The following MIB1 variants were observed in gnomAD, a reference collection of about 807,000 sequenced individuals.
MIB1 encodes E3 ubiquitin-protein ligase MIB1.
MIB1 carries 278 observed loss-of-function variants against 124.5 expected under a neutral mutation model. The ratio of observed to expected loss-of-function variants is 2.23; its 90% CI spans 2.02 to 2.47. The LOEUF is 2.47. Ranked by LOEUF, MIB1 falls within the 30% of genes most tolerant of loss-of-function variation. The probability of loss-of-function intolerance (pLI) is 0.00; values close to 1 mark genes in which losing one functional copy is unlikely to be tolerated. For missense variants in MIB1, 957 were observed against 1,254.4 expected (o/e 0.76, Z 3.58); for synonymous variants, 446 against 429.4 (o/e 1.04, Z -0.48).
chr18:21,780,079 G>A (rs2041341226), intron 6 of MIB1, among the ~76,000 whole-genome samples: 1 of 152,068 alleles, frequency 6.6e-6, no homozygotes, highest in Non-Finnish European at 1.5e-5. Flanking sequence ...CTCCTTTGGT[G>A]CATATCTCCA....
intron 6 of MIB1, among the ~76,000 whole-genome samples, chr18:21,782,311 T>G (rs1598608070): frequency 6.6e-6 from 1 of 151,984 alleles, no homozygotes; most frequent in Admixed American, 6.6e-5. Context: ...TTAGTAGAGA[T>G]GGGGTTTCTC....
At chr18:21,726,425 C>T (rs148012624) in intron 1 of MIB1, among the ~76,000 whole-genome samples, 3 of 152,236 alleles carry the variant, frequency 2.0e-5, no homozygotes, top group Middle Eastern at 3.4e-3. Flanking sequence ...AATCTGTCTA[C>T]GTTCCGACAG....
intron 1 of MIB1, among the ~76,000 whole-genome samples, chr18:21,743,653 G>T (rs1465874949): frequency 1.3e-5 from 2 of 152,096 alleles, no homozygotes; most frequent in Non-Finnish European, 2.9e-5. Flanking sequence ...TTGAGACAGG[G>T]TTTTGTTTTG....
At chr18:21,834,615 C>A (rs1440663111) in intron 12 of MIB1, among the ~76,000 whole-genome samples, 1 of 152,106 alleles carries the variant, frequency 6.6e-6, no homozygotes, top group Non-Finnish European at 1.5e-5. Flanking sequence ...GGCCTTCTTA[C>A]TAAGAACCAA....
intron 10 of MIB1, among the ~76,000 whole-genome samples, chr18:21,808,861 CTT>C (rs1279069458): frequency 6.6e-6 from 1 of 151,740 alleles, no homozygotes; most frequent in East Asian, 1.9e-4. Flanking sequence ...AAAAATATGT[CTT>C]TATTATGAGT....
chr18:21,847,744 C>CA (rs1274585369), intron 16 of MIB1, among the ~76,000 whole-genome samples: 4 of 152,162 alleles, frequency 2.6e-5, no homozygotes, highest in African/African-American at 9.7e-5. Context: ...CACTCAGTAT[C>CA]AGTGGAGAAT....
intron 10 of MIB1, among the ~76,000 whole-genome samples, chr18:21,814,119 C>T (rs950059362): frequency 1.3e-5 from 2 of 152,096 alleles, no homozygotes; most frequent in Non-Finnish European, 2.9e-5. Flanking sequence ...TTTGGTCTTT[C>T]CTGCCTTCTC....
At chr18:21,860,930 T>C (rs1421838072) in intron 20 of MIB1, among the ~76,000 whole-genome samples, 1 of 152,112 alleles carries the variant, frequency 6.6e-6, no homozygotes, top group Non-Finnish European at 1.5e-5. Flanking sequence ...TCCTACCTAC[T>C]TGGGGAACTG....
chr18:21,807,039 A>G (rs548215374), intron 10 of MIB1, among the ~76,000 whole-genome samples: 105 of 152,360 alleles, frequency 6.9e-4, no homozygotes, highest in African/African-American at 2.4e-3. Context: ...TTTAAAATTC[A>G]TTATAAGCAG....
chr18:21,754,097 C>G (rs1030821077), intron 1 of MIB1, among the ~76,000 whole-genome samples: 1 of 152,230 alleles, frequency 6.6e-6, no homozygotes, highest in Non-Finnish European at 1.5e-5. Context: ...AGTTGGATCC[C>G]TGTTGGCTCT....
At chr18:21,761,937 T>A (rs910412068) in intron 1 of MIB1, among the ~76,000 whole-genome samples, 1 of 80,564 alleles carries the variant, frequency 1.2e-5, no homozygotes. Context: ...CAGAAAACAA[T>A]CTGGAAACCC....
At chr18:21,804,707 T>G (rs538677535) in intron 10 of MIB1, among the ~76,000 whole-genome samples, 7 of 152,310 alleles carry the variant, frequency 4.6e-5, no homozygotes, top group African/African-American at 1.4e-4. Flanking sequence ...TCTAGCAAAT[T>G]TAAATTAGGC....
chr18:21,747,539 C>T (rs2040925049), intron 1 of MIB1, among the ~76,000 whole-genome samples: 1 of 152,206 alleles, frequency 6.6e-6, no homozygotes, highest in Non-Finnish European at 1.5e-5. Context: ...TTCTCCTTTT[C>T]CTTTCAACAG....
chr18:21,831,305 A>G (rs2041980035), intron 12 of MIB1: 2 of 142,394 alleles, frequency 1.4e-5, no homozygotes, highest in South Asian at 4.4e-4. Flanking sequence ...TAAATAGTAG[A>G]GCTGTAGTGA....
intron 1 of MIB1, among the ~76,000 whole-genome samples, chr18:21,723,060 T>G (rs993878371): frequency 2.6e-5 from 4 of 152,196 alleles, no homozygotes; most frequent in Non-Finnish European, 5.9e-5. Context: ...GGAATATTTG[T>G]CTCTTCTCCC....
chr18:21,726,758 C>A (rs2040743845), intron 1 of MIB1, among the ~76,000 whole-genome samples: 2 of 152,162 alleles, frequency 1.3e-5, no homozygotes. Flanking sequence ...TGACTGAGAT[C>A]ATTGCCTGTG....
At chr18:21,712,928 T>C (rs2040671929) in intron 1 of MIB1, among the ~76,000 whole-genome samples, 1 of 152,034 alleles carries the variant, frequency 6.6e-6, no homozygotes, top group Admixed American at 6.6e-5. Flanking sequence ...TGCCCACCAA[T>C]GTATCTATTA....
chr18:21,808,580 A>G (rs2041734410), intron 10 of MIB1, among the ~76,000 whole-genome samples: 1 of 152,150 alleles, frequency 6.6e-6, no homozygotes. Flanking sequence ...ATGTGATAAG[A>G]TTATATTTTG....
chr18:21,752,909 CATAAGTAAAAT>C lies in MIB1; in HGVS notation c.229+11100_229+11110del, dbSNP rs148279231. 8.3e-3 allele frequency among the ~76,000 whole-genome samples: 1,256 copies of C among 152,072 alleles called. 19 individuals carry two copies. The highest frequency in any genetic ancestry group is 0.027 in the African/African-American group (1,140 of 41,474). ...AAGTTTATATACAGACTAATGAAAA[CATAAGTAAAAT>C]ATTAGCAGTTAAAATGGAAGAATTA... On this transcript the variant is annotated intron_variant, in intron 1 of 20. Coordinates refer to ENST00000261537, the MANE Select transcript of MIB1 (RefSeq NM_020774.4).
Sources: allele counts gnomAD v4.1 joint callset (sites outside exome capture counted in the v4.1 genomes callset), GRCh38; gene constraint gnomAD v4.1.1; transcripts MANE v1.5; gene names NCBI Gene and HGNC (gene_info 2026-07-23, HGNC 2026-07-21).